STXBP6: variants seen among roughly 807,000 people sequenced by gnomAD.
STXBP6 encodes syntaxin binding protein 6.
A neutral mutation model predicts 26.9 loss-of-function variants in STXBP6; 21 were observed. That is an observed-to-expected ratio of 0.78 (90% CI 0.55 to 1.12). The LOEUF (loss-of-function observed/expected upper bound fraction) is 1.12. Ranked by LOEUF, STXBP6 falls within the 50% of genes most tolerant of loss-of-function variation. The pLI, the probability that STXBP6 is intolerant of heterozygous loss-of-function variation, is 0.00. For synonymous variants in STXBP6, 97 were observed against 92.6 expected (o/e 1.05, Z -0.27); for missense variants, 232 against 257.9 (o/e 0.90, Z 0.69).
chr14:24,914,582 A>C (rs1197398020), intron 2 of STXBP6, among the ~76,000 whole-genome samples: 1 of 152,158 alleles, frequency 6.6e-6, no homozygotes, highest in African/African-American at 2.4e-5. Flanking sequence ...TTAAAAGAAC[A>C]TATGCAACTA....
chr14:24,937,630 G>A (rs548523525), intron 2 of STXBP6, among the ~76,000 whole-genome samples: 19 of 150,480 alleles, frequency 1.3e-4, no homozygotes, highest in African/African-American at 4.7e-4. Flanking sequence ...ATATATATAT[G>A]TCTTAGAAAC....
chr14:24,870,014 A>G (rs1566428891), intron 2 of STXBP6, among the ~76,000 whole-genome samples: 1 of 152,192 alleles, frequency 6.6e-6, no homozygotes, highest in Non-Finnish European at 1.5e-5. Context: ...AGGGCATTAT[A>G]TTAAAATTGA....
chr14:24,848,417 G>T (rs1310122947), intron 4 of STXBP6, among the ~76,000 whole-genome samples: 1 of 152,054 alleles, frequency 6.6e-6, no homozygotes, highest in Non-Finnish European at 1.5e-5. Context: ...TATGTCTTCT[G>T]GTTGATTCTG....
intron 1 of STXBP6, among the ~76,000 whole-genome samples, chr14:25,013,502 A>ACACACC (rs993601171): frequency 7.3e-5 from 11 of 149,810 alleles, no homozygotes; most frequent in African/African-American, 2.5e-4. Flanking sequence ...ACACACACAC[A>ACACACC]CCCCTAAAGG....
chr14:24,815,407 T>A (rs1861838783), intron 5 of STXBP6, among the ~76,000 whole-genome samples: 1 of 151,532 alleles, frequency 6.6e-6, no homozygotes, highest in Non-Finnish European at 1.5e-5. Flanking sequence ...AGATATAGTA[T>A]CAATATATTA....
Position 25,002,359 on chromosome 14 carries a change from C to CTTTTTTTTTTTTTTTTTTTTTT in STXBP6, c.-32-27510_-32-27509insAAAAAAAAAAAAAAAAAAAAAA, listed in dbSNP as rs747010332. Among the ~76,000 whole-genome samples, 134 of 121,348 alleles carry CTTTTTTTTTTTTTTTTTTTTTT rather than the reference C, an allele frequency of 1.1e-3. 7 individuals carry two copies. The highest frequency in any genetic ancestry group is 1.5e-3 in the African/African-American group (44 of 29,636). The allele number at this position is 121,348 out of a possible 152,430, so 79.6% of individuals were successfully genotyped here. A position where few individuals can be genotyped will look rare whatever the true frequency, so the allele number is the denominator to read the frequency against. On this transcript the variant is annotated intron_variant, in intron 1 of 5. Transcript: ENST00000323944. ...ATCCCATACAGTTAAATTCTTATGACTTTTTTTTTTTTTTTTTTGAGACAC... is the reference window on the plus strand; with the variant it reads ...ATCCCATACAGTTAAATTCTTATGACTTTTTTTTTTTTTTTTTTTTTTTTTTTTTTTTTTTTTTTTGAGACAC...
intron 2 of STXBP6, among the ~76,000 whole-genome samples, chr14:24,928,844 T>A (rs1482454812): frequency 6.6e-6 from 1 of 152,106 alleles, no homozygotes; most frequent in Admixed American, 6.5e-5. Context: ...AAGAAAATAG[T>A]TTTTAGAGTT....
At chr14:24,871,860 G>T (rs901641260) in intron 2 of STXBP6, among the ~76,000 whole-genome samples, 23 of 152,154 alleles carry the variant, frequency 1.5e-4, no homozygotes, top group African/African-American at 5.3e-4. Flanking sequence ...AACTTTAAAA[G>T]AACCTGCCTC....
At chr14:25,007,152 T>C (rs2074920666) in intron 1 of STXBP6, among the ~76,000 whole-genome samples, 1 of 152,252 alleles carries the variant, frequency 6.6e-6, no homozygotes, top group Non-Finnish European at 1.5e-5. Context: ...ATGTGATTTA[T>C]CTTGCTGTCC....
chr14:24,857,680 A>T (rs939970580), intron 2 of STXBP6, among the ~76,000 whole-genome samples: 1 of 151,802 alleles, frequency 6.6e-6, no homozygotes, highest in African/African-American at 2.4e-5. Context: ...AAAAATCCCC[A>T]AACTATTTGG....
intron 2 of STXBP6, among the ~76,000 whole-genome samples, chr14:24,886,048 C>G (rs560683255): frequency 6.6e-6 from 1 of 152,198 alleles, no homozygotes; most frequent in Non-Finnish European, 1.5e-5. Flanking sequence ...GGTCTCCTTA[C>G]GCAGTTGGTT....
intron 5 of STXBP6, among the ~76,000 whole-genome samples, chr14:24,818,721 G>A (rs865944877): frequency 1.3e-5 from 2 of 152,030 alleles, no homozygotes; most frequent in Non-Finnish European, 2.9e-5. Context: ...TCTTCTCCCC[G>A]ACCCCCTGTT....
chr14:24,857,713 T>C (rs751278824), intron 2 of STXBP6, among the ~76,000 whole-genome samples: 1 of 151,904 alleles, frequency 6.6e-6, no homozygotes, highest in Non-Finnish European at 1.5e-5. Context: ...GTTCAGTTTG[T>C]ATCTAGTTTG....
At chr14:24,993,991 G>A (rs2074536548) in intron 1 of STXBP6, among the ~76,000 whole-genome samples, 1 of 152,104 alleles carries the variant, frequency 6.6e-6, no homozygotes, top group Admixed American at 6.5e-5. Context: ...CTGCTTCCTG[G>A]AGTTACCAGT....
rs1244488742 is a variant in STXBP6, at chr14:24,809,540, G to A, written c.*3169C>T. ...ACATTTTATCATCATGCTAATACTA[G>A]TTCTGAGGTTTCCCCTTAGGCACAT... On this transcript the variant is annotated 3_prime_UTR_variant, in exon 6 of 6. Transcript: ENST00000323944. 6.6e-6 allele frequency: 1 copy of A among 152,098 alleles called. No individual in the cohort carries two copies. The highest frequency in any genetic ancestry group is 1.5e-5 in the Non-Finnish European group (1 of 68,028). The allele number at this position is 152,098 out of a possible 1,614,324, so 9.4% of individuals were successfully genotyped here. A position where few individuals can be genotyped will look rare whatever the true frequency, so the allele number is the denominator to read the frequency against.
chr14:24,814,329 T>C (rs2067908560), intron 5 of STXBP6, among the ~76,000 whole-genome samples: 1 of 152,236 alleles, frequency 6.6e-6, no homozygotes, highest in Non-Finnish European at 1.5e-5. Flanking sequence ...TACTTCTTGC[T>C]CTGCTTCTAG....
intron 5 of STXBP6, 115 bp from the exon 6 acceptor site, chr14:24,812,847 C>T: frequency 1.0e-6 from 1 of 988,850 alleles, no homozygotes; most frequent in South Asian, 1.4e-5. Context: ...CAAGATTCTA[C>T]TCTCTGTGGC....
At chr14:24,866,901 C>T (rs1026507201) in intron 2 of STXBP6, among the ~76,000 whole-genome samples, 1 of 151,748 alleles carries the variant, frequency 6.6e-6, no homozygotes, top group Non-Finnish European at 1.5e-5. Flanking sequence ...TAGAATACGA[C>T]ACATTAATTT....
chr14:24,965,003 A>G (rs1484266629), intron 2 of STXBP6, among the ~76,000 whole-genome samples: 3 of 152,204 alleles, frequency 2.0e-5, no homozygotes, highest in Admixed American at 6.5e-5. Context: ...AGTATTGTGC[A>G]AATATTCATG....
Sources: gnomAD v4.1 joint callset for allele counts (sites outside exome capture counted in the v4.1 genomes callset) on GRCh38, gnomAD v4.1.1 for gene constraint, MANE v1.5 for transcripts, NCBI Gene and HGNC (gene_info 2026-07-23, HGNC 2026-07-21) for gene names.